USP44: variants seen among roughly 807,000 people sequenced by gnomAD.
The protein encoded by USP44 is ubiquitin specific peptidase 44.
A neutral mutation model predicts 69.0 loss-of-function variants in USP44; 61 were observed. The observed-to-expected ratio is 0.88, with a 90% CI of 0.72 to 1.09. USP44 has a LOEUF of 1.09. Among genes scored for constraint, USP44 ranks in the 50% least tolerant of loss-of-function variants. The pLI is 0.00. For synonymous variants in USP44, 297 were observed against 295.4 expected, an observed-to-expected ratio of 1.01 and a Z score of -0.06; for missense variants, 753 against 849.9, an observed-to-expected ratio of 0.89 and a Z score of 1.42.
chr12:95,543,755 A>G (rs2077471616), intron 1 of USP44, among the ~76,000 whole-genome samples: 2 of 151,750 alleles, frequency 1.3e-5, no homozygotes, highest in African/African-American at 2.4e-5. Context: ...TCACGAGGTC[A>G]GGGGATTGAG....
chr12:95,518,734 G>A (rs2076554663), intron 5 of USP44, among the ~76,000 whole-genome samples: 1 of 152,162 alleles, frequency 6.6e-6, no homozygotes, highest in Non-Finnish European at 1.5e-5. Context: ...GAGGCCAGGA[G>A]TTAGAGACCA....
At chr12:95,532,587 C>T (rs530353133) in intron 2 of USP44, among the ~76,000 whole-genome samples, 3 of 152,138 alleles carry the variant, frequency 2.0e-5, no homozygotes, top group South Asian at 4.2e-4. Context: ...TAGAGAGCTC[C>T]GTCTCCTGAT....
At chr12:95,519,439 T>C (rs1355760397) in intron 5 of USP44, among the ~76,000 whole-genome samples, 2 of 133,148 alleles carry the variant, frequency 1.5e-5, no homozygotes, top group African/African-American at 2.8e-5. Flanking sequence ...TGTATTTTTT[T>C]TTTTTTTTTT....
chr12:95,546,218 A>G (rs542468947), intron 1 of USP44, among the ~76,000 whole-genome samples: 1 of 152,296 alleles, frequency 6.6e-6, no homozygotes, highest in South Asian at 2.1e-4. Context: ...TGAGCATCCT[A>G]CCAAGGGTCT....
At chr12:95,523,857 C>G (rs974070885) in intron 4 of USP44, among the ~76,000 whole-genome samples, 2 of 151,878 alleles carry the variant, frequency 1.3e-5, no homozygotes, top group African/African-American at 4.8e-5. Context: ...CACGGTGGCT[C>G]ACACCTGTCA....
rs1176625903 is a variant in USP44, at chr12:95,548,675, T to G, written c.-71+2597A>C. The G allele has an allele frequency of 6.6e-6, 1 of 151,856 alleles. No homozygotes were observed. The highest frequency in any genetic ancestry group is 1.5e-5 in the Non-Finnish European group (1 of 68,066). 9.4% of individuals were successfully genotyped at this position (151,856 alleles called of 1,614,324 possible). The stretch of plus-strand genomic sequence containing the variant: ...TGCGCGGCGAGAATAGGCCCCCAGG[T>G]GCCTCCCGGCCCCGGGGGCTGCCGT... On this transcript the variant is annotated intron_variant, in intron 1 of 5. Coordinates refer to ENST00000258499, the MANE Select transcript of USP44 (RefSeq NM_032147.5). This position sits in a 1 kb window ranked among gnomAD's most constrained non-coding sequence, Gnocchi z 4.1.
At position 95,551,364 on chromosome 12, in the gene USP44, A is replaced by C. The variant is rs1269855512; in HGVS notation, c.-163T>G. The stretch of plus-strand genomic sequence containing the variant: ...AGGATCGCCCAGTTTCCATCAGGGC[A>C]AATGCTGATCTCCTAAGTGAAAAGT... On this transcript the variant is annotated 5_prime_UTR_variant, in exon 1 of 6. Transcript: ENST00000258499. The C allele has an allele frequency of 1.3e-5, 2 of 152,536 alleles. No homozygotes were observed. Among genetic ancestry groups the C allele is most frequent in the Non-Finnish European group, 2.9e-5 (2 of 68,048 alleles). 9.4% of individuals were successfully genotyped at this position (152,536 alleles called of 1,614,324 possible). A position where few individuals can be genotyped will look rare whatever the true frequency, so the allele number is the denominator to read the frequency against.
chr12:95,532,620 T>C (rs182673027), intron 2 of USP44, among the ~76,000 whole-genome samples: 22 of 152,088 alleles, frequency 1.4e-4, no homozygotes, highest in African/African-American at 5.3e-4. Context: ...CCAAAAGCTT[T>C]TGCTACCATA....
In USP44 at chr12:95,533,506, T is replaced by C; in HGVS notation, c.751A>G (p.Asn251Asp). The C allele has an allele frequency of 2.5e-6, 4 of 1,614,166 alleles. No individual in the cohort carries two copies. Among genetic ancestry groups the C allele is most frequent in the Non-Finnish European group, 2.5e-6 (3 of 1,180,016 alleles). The change falls in exon 2 of 6, where the codon AAT (asparagine) becomes GAT (aspartate). Residue 251 changes from asparagine (N) to aspartate (D), a missense_variant. Physicochemically the swap from Asn to Asp is conservative, Grantham distance 23 (BLOSUM62 1). Coordinates refer to ENST00000258499, the MANE Select transcript of USP44 (RefSeq NM_032147.5). The stretch of plus-strand genomic sequence containing the variant: ...TCACTGACTTTTTGAGATATTTCAT[T>C]TTCTGAGGTAGAGAGTACTTTATCT... ...AKDKVLSTSE[N>D]EISQKVSDSS...
chr12:95,527,843 T>C (rs1446907868), intron 3 of USP44, among the ~76,000 whole-genome samples: 3 of 148,904 alleles, frequency 2.0e-5, no homozygotes, highest in African/African-American at 4.9e-5. Flanking sequence ...ATGCTTTTTT[T>C]TTTTTTTTTT....
chr12:95,521,273 T>C, intron 4 of USP44, 71 bp from the exon 5 acceptor site: 2 of 1,364,072 alleles, frequency 1.5e-6, no homozygotes, highest in African/African-American at 2.9e-5. Flanking sequence ...TCTAGACACT[T>C]GTAACAGATG....
chr12:95,539,125 T>C (rs189428097), intron 1 of USP44, among the ~76,000 whole-genome samples: 5 of 152,206 alleles, frequency 3.3e-5, no homozygotes, highest in African/African-American at 1.2e-4. Flanking sequence ...ATAATTCTCA[T>C]GCATTTAAAA....
Position 95,518,027 on chromosome 12 carries a change from G to T in USP44, c.*127C>A. On this transcript the variant is annotated 3_prime_UTR_variant, in exon 6 of 6. Transcript: ENST00000258499. ...TTTATACTTTGTAAAAAAAAAAATTGTTAGATATAAAATGTATAAATGTAG... is the reference window on the plus strand; with the variant it reads ...TTTATACTTTGTAAAAAAAAAAATTTTTAGATATAAAATGTATAAATGTAG... The T allele has an allele frequency of 4.1e-6, 4 of 982,622 alleles. No homozygotes were observed. In the South Asian group the frequency reaches 8.2e-5, roughly 20 times the overall value. 60.9% of individuals were successfully genotyped at this position (982,622 alleles called of 1,614,324 possible).
intron 4 of USP44, chr12:95,522,151 AAGAGATTATAATCC>A: frequency 1.0e-6 from 1 of 973,752 alleles, no homozygotes; most frequent in Non-Finnish European, 1.2e-6. Context: ...ATGGTAGTTC[AAGAGATTATAATCC>A]AGTTTGGGGT....
At chr12:95,549,931 C>A (rs936058125) in intron 1 of USP44, among the ~76,000 whole-genome samples, 6 of 152,180 alleles carry the variant, frequency 3.9e-5, no homozygotes, top group African/African-American at 1.4e-4. Context: ...GTAATCACAG[C>A]ACTTTGGGAG....
rs76935335 is a variant in USP44, at chr12:95,521,834, G to A, written c.1734-632C>T. Among the ~76,000 whole-genome samples the A allele has an allele frequency of 3.2e-3, 492 of 152,198 alleles. 2 individuals carry two copies. Among genetic ancestry groups the A allele is most frequent in the African/African-American group, 0.012 (480 of 41,508 alleles). On this transcript the variant is annotated intron_variant, in intron 4 of 5. Coordinates refer to ENST00000258499, the MANE Select transcript of USP44 (RefSeq NM_032147.5). Reference sequence around the variant, plus strand: ...TTACTGTCTTGCCAGGATATGAAGAGGGTTATCCCAGATGGGAGCTACAAT... The same window carrying A: ...TTACTGTCTTGCCAGGATATGAAGAAGGTTATCCCAGATGGGAGCTACAAT...
intron 1 of USP44, among the ~76,000 whole-genome samples, chr12:95,537,109 A>C (rs2077230846): frequency 6.6e-6 from 1 of 152,204 alleles, no homozygotes; most frequent in Non-Finnish European, 1.5e-5. Context: ...AGAAATTATA[A>C]GGAAATTAAA....
chr12:95,526,503 C>T (rs1456169935), intron 3 of USP44, among the ~76,000 whole-genome samples: 1 of 152,024 alleles, frequency 6.6e-6, no homozygotes, highest in Admixed American at 6.6e-5. Flanking sequence ...ACCCAGGAGG[C>T]GGAGCTTGCA....
Position 95,525,956 on chromosome 12 carries a change from G to A in USP44, c.1625-1168C>T, listed in dbSNP as rs148274632. 1.5e-3 allele frequency among the ~76,000 whole-genome samples: 224 copies of A among 152,312 alleles called. 1 individual carries two copies. Among genetic ancestry groups the A allele is most frequent in the African/African-American group, 5.2e-3 (216 of 41,570 alleles). On this transcript the variant is annotated intron_variant, in intron 3 of 5. Coordinates refer to ENST00000258499, the MANE Select transcript of USP44 (RefSeq NM_032147.5). Reference sequence around the variant, plus strand: ...CTTTCTTCCAGGTGTCTAACCCTGCGATCCAGGTATCTGGCTGCTGCTGAA... The same window carrying A: ...CTTTCTTCCAGGTGTCTAACCCTGCAATCCAGGTATCTGGCTGCTGCTGAA...
Sources: gnomAD v4.1 joint callset for allele counts (sites outside exome capture counted in the v4.1 genomes callset) on GRCh38, gnomAD v4.1.1 for gene constraint, Gnocchi (gnomAD v3.1) non-coding constraint, MANE v1.5 for transcripts, NCBI Gene and HGNC (gene_info 2026-07-23, HGNC 2026-07-21) for gene names.